The following SCN1A variants were observed in gnomAD, a reference collection of about 807,000 sequenced individuals.
SCN1A encodes sodium channel protein type 1 subunit alpha.
A neutral mutation model predicts 193.7 loss-of-function variants in SCN1A; 13 were observed. That is an observed-to-expected ratio of 0.07 (90% CI 0.04 to 0.11). The LOEUF is 0.11. Ranked by LOEUF, SCN1A falls within the 10% of genes least tolerant of loss-of-function variation. The probability of loss-of-function intolerance (pLI) is 1.00; values close to 1 mark genes in which losing one functional copy is unlikely to be tolerated. For synonymous variants in SCN1A, 781 were observed against 843.6 expected, an observed-to-expected ratio of 0.93 and a Z score of 1.29; for missense variants, 1,432 against 2,451.1, an observed-to-expected ratio of 0.58 and a Z score of 8.78.
chr2:166,068,278 A>G (rs1411007139), intron 4 of SCN1A, among the ~76,000 whole-genome samples: 1 of 152,196 alleles, frequency 6.6e-6, no homozygotes, highest in African/African-American at 2.4e-5. Context: ...GATATGGCAG[A>G]TACTCTAAAA....
At chr2:166,035,369 GTATAC>G (rs1559190538) in intron 19 of SCN1A, among the ~76,000 whole-genome samples, 1 of 151,978 alleles carries the variant, frequency 6.6e-6, no homozygotes, top group African/African-American at 2.4e-5. Flanking sequence ...AAACTCACAC[GTATAC>G]TATATTACCC....
At chr2:166,104,976 G>A (rs950465129) in intron 2 of SCN1A, among the ~76,000 whole-genome samples, 13 of 152,138 alleles carry the variant, frequency 8.5e-5, no homozygotes, top group African/African-American at 2.4e-4. Context: ...AAGAAATGAC[G>A]TAATTTCTCA....
intron 2 of SCN1A, among the ~76,000 whole-genome samples, chr2:166,098,234 T>G (rs1381638419): frequency 6.6e-6 from 1 of 152,206 alleles, no homozygotes; most frequent in East Asian, 1.9e-4. Flanking sequence ...TCAATAGATG[T>G]GATTCATCAC....
rs546841941 is a variant in SCN1A at position 166,124,271 on chromosome 2, C to T, written c.-142+2653G>A. On this transcript the variant is annotated intron_variant, in intron 2 of 28. Transcript: ENST00000674923. ...TTTTTTAATTTTTTAACAAATAGCCCGGTGTGATGGCTCACTCCTGTAATC... is the reference window on the plus strand; with the variant it reads ...TTTTTTAATTTTTTAACAAATAGCCTGGTGTGATGGCTCACTCCTGTAATC... Among the ~76,000 whole-genome samples, 5 of 151,588 alleles carry T rather than the reference C, an allele frequency of 3.3e-5. No homozygotes were observed. The South Asian group carries it at 6.3e-4, about 19-fold the overall frequency.
upstream of SCN1A, among the ~76,000 whole-genome samples, chr2:166,129,857 T>C (rs1372345726): frequency 6.6e-6 from 1 of 152,120 alleles, no homozygotes. Flanking sequence ...TCTCCCCTGA[T>C]CCTTAGTGGT....
chr2:166,044,540 TA>T (rs1349695916), intron 13 of SCN1A, among the ~76,000 whole-genome samples: 2 of 152,200 alleles, frequency 1.3e-5, no homozygotes, highest in African/African-American at 4.8e-5. Flanking sequence ...TAAGGCATTG[TA>T]TTGTTGGAAC....
downstream of SCN1A, chr2:165,985,661 G>A (rs1221860522): frequency 6.6e-6 from 1 of 151,968 alleles, no homozygotes; most frequent in East Asian, 1.9e-4. Context: ...AGAATTTCTT[G>A]GTGATGCAAT....
chr2:166,073,872 G>A (rs1013550457), intron 3 of SCN1A, among the ~76,000 whole-genome samples: 3 of 152,290 alleles, frequency 2.0e-5, no homozygotes, highest in East Asian at 3.9e-4. Context: ...TAATTCTTGT[G>A]CTTTACTGAT....
intron 3 of SCN1A, among the ~76,000 whole-genome samples, chr2:166,073,998 G>A (rs1201728144): frequency 6.6e-6 from 1 of 152,212 alleles, no homozygotes; most frequent in East Asian, 1.9e-4. Flanking sequence ...ACACCCAGAA[G>A]ATGGAGACTG....
intron 19 of SCN1A, among the ~76,000 whole-genome samples, chr2:166,033,646 C>T (rs1695933236): frequency 6.6e-6 from 1 of 151,976 alleles, no homozygotes; most frequent in Admixed American, 6.6e-5. Flanking sequence ...TGCAATGTTC[C>T]AAGATATAAA....
intron 2 of SCN1A, among the ~76,000 whole-genome samples, chr2:166,103,376 G>C (rs544696205): frequency 6.6e-6 from 1 of 151,828 alleles, no homozygotes; most frequent in Non-Finnish European, 1.5e-5. Flanking sequence ...ACTTGAACCC[G>C]GGAGGTGGAG....
intron 20 of SCN1A, 22 bp from the exon 21 acceptor site, chr2:166,013,920 A>G (rs377409554): frequency 1.7e-4 from 274 of 1,608,236 alleles, no homozygotes; most frequent in Non-Finnish European, 2.3e-4. Context: ...GTTGAAATAA[A>G]AGTAGATAAA....
chr2:166,000,522 G>A (rs191737958), intron 24 of SCN1A, among the ~76,000 whole-genome samples: 4 of 151,648 alleles, frequency 2.6e-5, no homozygotes, highest in Admixed American at 2.6e-4. Flanking sequence ...GAGTCCTGTG[G>A]GCCTAAAAGG....
chr2:166,016,542 CAG>C (rs2105639142), intron 19 of SCN1A: 1 of 152,008 alleles, frequency 6.6e-6, no homozygotes, highest in South Asian at 2.1e-4. Flanking sequence ...CTAGAGTTCT[CAG>C]AAGACAAAGA....
intron 4 of SCN1A, among the ~76,000 whole-genome samples, chr2:166,067,619 A>C (rs1461196): frequency 0.22 from 33,407 of 151,718 alleles, 3,877 homozygotes; most frequent in East Asian, 0.36. Flanking sequence ...AAATAAAGAC[A>C]AGAGCTATCT....
intron 15 of SCN1A, 28 bp downstream of exon 15, chr2:166,042,264 T>C: frequency 6.2e-7 from 1 of 1,607,854 alleles, no homozygotes; most frequent in Non-Finnish European, 8.5e-7. Flanking sequence ...TGAAAATAAT[T>C]GAAACGAAAA....
At chr2:166,054,915 C>CTAAATT in intron 6 of SCN1A, 149 bp from the exon 7 acceptor site, 2 of 735,368 alleles carry the variant, frequency 2.7e-6, no homozygotes, top group South Asian at 3.7e-5. Context: ...AAACGTAGCC[C>CTAAATT]TAAATTTAAA....
At chr2:166,040,151 C>A (rs904179634) in intron 16 of SCN1A, among the ~76,000 whole-genome samples, 8 of 152,090 alleles carry the variant, frequency 5.3e-5, no homozygotes, top group African/African-American at 1.7e-4. Context: ...ATCTCCTGAC[C>A]TCGTGATCCG....
At chr2:166,018,730 A>G (rs1361540245) in intron 19 of SCN1A, among the ~76,000 whole-genome samples, 1 of 152,100 alleles carries the variant, frequency 6.6e-6, no homozygotes, top group Non-Finnish European at 1.5e-5. Context: ...TAACATCAAA[A>G]TGGAAAATTG....
Sources: allele counts gnomAD v4.1 joint callset (sites outside exome capture counted in the v4.1 genomes callset), GRCh38; gene constraint gnomAD v4.1.1; transcripts MANE v1.5; gene names NCBI Gene and HGNC (gene_info 2026-07-23, HGNC 2026-07-21).